The following TMEM255B variants were observed in gnomAD, a reference collection of about 807,000 sequenced individuals.
TMEM255B encodes transmembrane protein 255B.
Under a neutral mutation model 34.5 loss-of-function variants are expected in TMEM255B, and 35 were observed. The observed-to-expected ratio is 1.01, with a 90% CI of 0.77 to 1.34. TMEM255B has a LOEUF of 1.34. TMEM255B is among the 40% of genes most tolerant of loss of function. TMEM255B has a pLI of 0.00. For missense variants in TMEM255B, 432 were observed against 433.2 expected (o/e 1.00, Z 0.02); for synonymous variants, 206 against 201.2 (o/e 1.02, Z -0.20).
At chr13:113,795,898 C>T (rs913088242) in intron 4 of TMEM255B, among the ~76,000 whole-genome samples, 1 of 130,676 alleles carries the variant, frequency 7.7e-6, no homozygotes, top group Non-Finnish European at 1.6e-5. Flanking sequence ...GAGCACACAG[C>T]ACACACACAA....
At chr13:113,790,614 T>C (rs368572661) in intron 3 of TMEM255B, among the ~76,000 whole-genome samples, 6 of 145,944 alleles carry the variant, frequency 4.1e-5, no homozygotes, top group Admixed American at 2.7e-4. Context: ...ATCCTAGCAC[T>C]GAACTGACTG....
chr13:113,775,791 A>G (rs1410852373), intron 3 of TMEM255B, among the ~76,000 whole-genome samples: 1 of 152,040 alleles, frequency 6.6e-6, no homozygotes, highest in Non-Finnish European at 1.5e-5. Flanking sequence ...TCTTTCCCTG[A>G]AGCTCCTGTG....
rs9577893 is a variant in TMEM255B, at chr13:113,800,097, G to A, written c.423+678G>A. ...GTGTGTGTTTATGTGTGTGTGTGTG[G>A]GGGGGGGTAGGCAGGAGGCGTCCCG... On this transcript the variant is annotated intron_variant, in intron 5 of 8. Coordinates refer to ENST00000375353, the MANE Select transcript of TMEM255B (RefSeq NM_182614.4). 3.6e-6 allele frequency: 4 copies of A among 1,125,668 alleles called. No individual in the cohort carries two copies. The African/African-American group carries it at 5.4e-5, about 15-fold the overall frequency. 69.7% of individuals were successfully genotyped at this position (1,125,668 alleles called of 1,614,324 possible). A position where few individuals can be genotyped will look rare whatever the true frequency, so the allele number is the denominator to read the frequency against.
intron 8 of TMEM255B, among the ~76,000 whole-genome samples, chr13:113,805,423 C>T (rs529855634): frequency 4.0e-4 from 61 of 152,318 alleles, no homozygotes; most frequent in African/African-American, 1.4e-3. Flanking sequence ...CCATTTTACC[C>T]GCAGACGTGG....
At chr13:113,766,467 T>C in intron 2 of TMEM255B, 2 of 742,602 alleles carry the variant, frequency 2.7e-6, no homozygotes, top group Middle Eastern at 2.3e-4. Flanking sequence ...CAGAGGGGAA[T>C]TGGGGTTGAG....
At chr13:113,805,049 T>C in intron 8 of TMEM255B, 21 bp downstream of exon 8, 1 of 1,583,400 alleles carries the variant, frequency 6.3e-7, no homozygotes. Flanking sequence ...CATCACCTGC[T>C]GGAGTTGGAC....
In TMEM255B at chr13:113,811,775, G is replaced by C. The variant is rs201754463; in HGVS notation, c.853G>C (p.Ala285Pro). The C allele has an allele frequency of 6.2e-7, 1 of 1,613,880 alleles. No individual in the cohort carries two copies. Among genetic ancestry groups the C allele is most frequent in the South Asian group, 1.1e-5 (1 of 91,082 alleles). ...RFPVAPSSALASSEDLQPPSP... is the reference protein window; with the variant it reads ...RFPVAPSSALPSSEDLQPPSP... ...CCCAGTTGCGCCCTCCTCTGCCCTG[G>C]CTTCGTCTGAGGACCTGCAGCCCCC... Residue 285 changes from alanine (A) to proline (P), a missense_variant, in exon 9 of 9, where the codon GCT (alanine) becomes CCT (proline). By Grantham distance (27) the Ala-to-Pro change is conservative. Transcript: ENST00000375353.
intron 8 of TMEM255B, among the ~76,000 whole-genome samples, chr13:113,808,891 T>G (rs555485279): frequency 2.3e-4 from 34 of 145,978 alleles, no homozygotes; most frequent in Non-Finnish European, 5.0e-4. Flanking sequence ...TCCTGGGGGT[T>G]TGCTCCATGG....
chr13:113,759,591 C>T (rs189770374), intron 1 of TMEM255B, among the ~76,000 whole-genome samples: 1 of 152,196 alleles, frequency 6.6e-6, no homozygotes, highest in Non-Finnish European at 1.5e-5. Flanking sequence ...TCTCTGCCTC[C>T]TCAGTCTTTG....
intron 3 of TMEM255B, among the ~76,000 whole-genome samples, chr13:113,783,064 T>G (rs939260587): frequency 1.1e-4 from 16 of 152,170 alleles, no homozygotes; most frequent in Admixed American, 9.8e-4. Flanking sequence ...TTTCTGGATA[T>G]CTTGGTGGAT....
At chr13:113,771,058 G>A (rs537818846) in intron 3 of TMEM255B, among the ~76,000 whole-genome samples, 48 of 152,124 alleles carry the variant, frequency 3.2e-4, no homozygotes, top group Admixed American at 7.2e-4. Context: ...CAATTCAATG[G>A]TTTTTAGTGT....
chr13:113,787,241 C>A (rs999190341), intron 3 of TMEM255B, among the ~76,000 whole-genome samples: 1 of 152,320 alleles, frequency 6.6e-6, no homozygotes, highest in East Asian at 1.9e-4. Context: ...CCAGAGCCAA[C>A]GGTCTGGATT....
chr13:113,789,772 A>T (rs544528833), intron 3 of TMEM255B, among the ~76,000 whole-genome samples: 9 of 152,154 alleles, frequency 5.9e-5, no homozygotes, highest in Non-Finnish European at 1.2e-4. Context: ...GCATGTGGAC[A>T]TCCTAGCCCT....
At chr13:113,775,181 T>C (rs1433528355) in intron 3 of TMEM255B, among the ~76,000 whole-genome samples, 1 of 145,328 alleles carries the variant, frequency 6.9e-6, no homozygotes, top group Non-Finnish European at 1.5e-5. Context: ...CCACATACAC[T>C]ACACAAACCA....
intron 3 of TMEM255B, among the ~76,000 whole-genome samples, chr13:113,787,381 G>A (rs1247144549): frequency 6.6e-6 from 1 of 152,250 alleles, no homozygotes; most frequent in Non-Finnish European, 1.5e-5. Flanking sequence ...TCTTCAGTGT[G>A]TGGGGAAGGC....
At chr13:113,810,710 T>TG (rs1324949832) in intron 8 of TMEM255B, among the ~76,000 whole-genome samples, 1 of 151,976 alleles carries the variant, frequency 6.6e-6, no homozygotes, top group Non-Finnish European at 1.5e-5. Flanking sequence ...ACGCCTTCAG[T>TG]GGAGAGGAGG....
At chr13:113,774,911 T>A (rs1448857171) in intron 3 of TMEM255B, among the ~76,000 whole-genome samples, 61 of 109,552 alleles carry the variant, frequency 5.6e-4, no homozygotes, top group Admixed American at 5.0e-3. Context: ...CAACACACAC[T>A]CCACACAATA....
At chr13:113,776,999 G>A (rs2138536739) in intron 3 of TMEM255B, among the ~76,000 whole-genome samples, 1 of 152,232 alleles carries the variant, frequency 6.6e-6, no homozygotes, top group South Asian at 2.1e-4. Flanking sequence ...TGCCCTGTCT[G>A]AAACCAACAC....
In TMEM255B at chr13:113,806,264, C is replaced by T. The variant is rs975575872; in HGVS notation, c.813+1236C>T. Among the ~76,000 whole-genome samples the T allele has an allele frequency of 2.6e-5, 4 of 152,086 alleles. No individual in the cohort carries two copies. The highest frequency in any genetic ancestry group is 9.7e-5 in the African/African-American group (4 of 41,420). On this transcript the variant is annotated intron_variant, in intron 8 of 8. Coordinates refer to ENST00000375353, the MANE Select transcript of TMEM255B (RefSeq NM_182614.4). This position sits in a 1 kb window ranked among gnomAD's most constrained non-coding sequence, Gnocchi z 4.2. ...CCCGAGGAGGGAGCAGGAACCAGCA[C>T]TCATGGAGATGGTGCGTCTGGGGGT...
Sources: allele counts gnomAD v4.1 joint callset (sites outside exome capture counted in the v4.1 genomes callset), GRCh38; gene constraint gnomAD v4.1.1; non-coding constraint Gnocchi (gnomAD v3.1); transcripts MANE v1.5; gene names NCBI Gene and HGNC (gene_info 2026-07-23, HGNC 2026-07-21).